CDC14B: variants seen among roughly 807,000 people sequenced by gnomAD.
The protein encoded by CDC14B is cell division cycle 14B.
A neutral mutation model predicts 64.2 loss-of-function variants in CDC14B; 22 were observed. That is an observed-to-expected ratio of 0.34 (90% confidence interval 0.24 to 0.49). The LOEUF is 0.49. Ranked by LOEUF, CDC14B falls within the 20% of genes least tolerant of loss-of-function variation. The pLI is 0.99. For missense variants in CDC14B, 498 were observed against 629.9 expected (o/e 0.79, Z 2.24); for synonymous variants, 191 against 215.8 (o/e 0.89, Z 1.01).
intron 12 of CDC14B, 48 bp downstream of exon 12, chr9:96,522,458 A>C: frequency 8.2e-7 from 1 of 1,225,442 alleles, no homozygotes; most frequent in Non-Finnish European, 1.2e-6. Flanking sequence ...CAAGGACCCC[A>C]CACACATATG....
chr9:96,536,069 TA>T (rs1389070721), intron 7 of CDC14B, among the ~76,000 whole-genome samples: 3 of 152,228 alleles, frequency 2.0e-5, no homozygotes, highest in Admixed American at 6.5e-5. Flanking sequence ...TGCCATTAAT[TA>T]AGATACATCC....
intron 1 of CDC14B, among the ~76,000 whole-genome samples, chr9:96,615,344 A>G (rs1847559730): frequency 6.6e-6 from 1 of 152,214 alleles, no homozygotes; most frequent in Non-Finnish European, 1.5e-5. Flanking sequence ...GTGGGTGGCT[A>G]GATACTAAAC....
intron 9 of CDC14B, 85 bp downstream of exon 9, chr9:96,533,842 A>G: frequency 1.3e-6 from 1 of 789,472 alleles, no homozygotes; most frequent in Non-Finnish European, 1.9e-6. Flanking sequence ...ATGTTCTGAC[A>G]CATAAACTAA....
At chr9:96,619,111 A>T (rs1003953269) in intron 1 of CDC14B, 108 bp downstream of exon 1, 200 of 887,816 alleles carry the variant, frequency 2.3e-4, no homozygotes, top group Middle Eastern at 4.1e-4. Context: ...GGGCGAAGGC[A>T]TTTCGGCCCG....
At chr9:96,579,915 C>G (rs1235733838) in intron 1 of CDC14B, among the ~76,000 whole-genome samples, 3 of 151,900 alleles carry the variant, frequency 2.0e-5, no homozygotes, top group Non-Finnish European at 4.4e-5. Flanking sequence ...TTCTGTAACT[C>G]TAAAAGTTTT....
In CDC14B at chr9:96,564,676, A is replaced by G. The variant is rs929994950; in HGVS notation, c.327+101T>C. ...GCATGTCCCAAACACCACTGCAGTG[A>G]AAAACATGTCATTTCCTTTTTAAAA... On this transcript the variant is annotated intron_variant, in intron 3 of 13. Coordinates refer to ENST00000375241, the MANE Select transcript of CDC14B (RefSeq NM_033331.4). 55 of 677,816 alleles carry G rather than the reference A, an allele frequency of 8.1e-5. No homozygotes were observed. In the African/African-American group the frequency reaches 9.7e-4, roughly 12 times the overall value. The allele number at this position is 677,816 out of a possible 1,614,324, so 42.0% of individuals were successfully genotyped here. A position where few individuals can be genotyped will look rare whatever the true frequency, so the allele number is the denominator to read the frequency against.
At chr9:96,508,861 C>T (rs941131312) in intron 13 of CDC14B, among the ~76,000 whole-genome samples, 2 of 152,178 alleles carry the variant, frequency 1.3e-5, no homozygotes, top group Admixed American at 6.5e-5. Context: ...TGAAAAGAAG[C>T]AGGGTACACG....
intron 7 of CDC14B, among the ~76,000 whole-genome samples, chr9:96,537,153 T>C (rs959362213): frequency 2.6e-4 from 39 of 152,126 alleles, no homozygotes; most frequent in African/African-American, 8.4e-4. Flanking sequence ...TAGCTGGGCA[T>C]GGTGGCACGT....
At chr9:96,524,038 G>A (rs1365881405) in intron 9 of CDC14B, among the ~76,000 whole-genome samples, 1 of 152,202 alleles carries the variant, frequency 6.6e-6, no homozygotes, top group African/African-American at 2.4e-5. Context: ...CTGGGCTCAA[G>A]CAATTCTCCT....
chr9:96,604,459 C>T (rs1846735259), intron 1 of CDC14B, among the ~76,000 whole-genome samples: 3 of 151,268 alleles, frequency 2.0e-5, no homozygotes. Context: ...TGGCTCACCA[C>T]AACCTCCGCC....
At chr9:96,541,778 A>G (rs1482588131) in intron 6 of CDC14B, 48 bp downstream of exon 6, 9 of 1,332,632 alleles carry the variant, frequency 6.8e-6, no homozygotes, top group East Asian at 2.4e-5. Flanking sequence ...CTTGGACCGC[A>G]TGTTAGTTCC....
intron 12 of CDC14B, among the ~76,000 whole-genome samples, chr9:96,521,974 C>T (rs1384513294): frequency 6.6e-6 from 1 of 152,196 alleles, no homozygotes; most frequent in Non-Finnish European, 1.5e-5. Context: ...GACATACATA[C>T]ACTCAGTACT....
chr9:96,493,533 A>C (rs190470417), intron 13 of CDC14B, among the ~76,000 whole-genome samples: 172 of 152,370 alleles, frequency 1.1e-3, no homozygotes, highest in African/African-American at 4.0e-3. Context: ...CAAATAAGAT[A>C]CAGATAAAAG....
At chr9:96,587,635 C>T (rs1845530327) in intron 1 of CDC14B, among the ~76,000 whole-genome samples, 2 of 152,196 alleles carry the variant, frequency 1.3e-5, no homozygotes, top group Non-Finnish European at 1.5e-5. Flanking sequence ...TTAGTCTAGG[C>T]ACTTTATACA....
chr9:96,581,821 T>C (rs1268279928), intron 1 of CDC14B, among the ~76,000 whole-genome samples: 1 of 152,160 alleles, frequency 6.6e-6, no homozygotes, highest in African/African-American at 2.4e-5. Flanking sequence ...ACAACAGCTA[T>C]TTCCTGCCAG....
chr9:96,591,520 CT>C (rs1384315980), intron 1 of CDC14B, among the ~76,000 whole-genome samples: 4 of 151,206 alleles, frequency 2.6e-5, no homozygotes, highest in East Asian at 1.9e-4. Flanking sequence ...AAGCCTCTAG[CT>C]TTTTTTTTCT....
At chr9:96,603,486 G>A (rs1846645423) in intron 1 of CDC14B, among the ~76,000 whole-genome samples, 1 of 152,234 alleles carries the variant, frequency 6.6e-6, no homozygotes, top group African/African-American at 2.4e-5. Flanking sequence ...AATGCGTCAT[G>A]AAACTAGAAA....
intron 1 of CDC14B, among the ~76,000 whole-genome samples, chr9:96,609,969 A>C (rs539302605): frequency 1.3e-5 from 2 of 152,288 alleles, no homozygotes; most frequent in South Asian, 4.1e-4. Flanking sequence ...TTTTTGAGCC[A>C]ACTGGTGAAT....
chr9:96,594,202 T>C (rs1845937350), intron 1 of CDC14B, among the ~76,000 whole-genome samples: 1 of 152,190 alleles, frequency 6.6e-6, no homozygotes, highest in Non-Finnish European at 1.5e-5. Flanking sequence ...GGCTTACCGC[T>C]GCTGCACAAA....
Sources: gnomAD v4.1 joint callset for allele counts (sites outside exome capture counted in the v4.1 genomes callset) on GRCh38, gnomAD v4.1.1 for gene constraint, MANE v1.5 for transcripts, NCBI Gene and HGNC (gene_info 2026-07-23, HGNC 2026-07-21) for gene names.